The following JAM2 variants were observed in gnomAD, a reference collection of about 807,000 sequenced individuals.
JAM2 encodes junctional adhesion molecule 2.
A neutral mutation model predicts 42.0 loss-of-function variants in JAM2; 17 were observed. The ratio of observed to expected loss-of-function variants is 0.40; its 90% confidence interval spans 0.28 to 0.61. The LOEUF (loss-of-function observed/expected upper bound fraction) is 0.61, where lower values mean the gene tolerates loss of function less well. JAM2 is among the 20% of genes least tolerant of loss of function. The pLI, the probability that JAM2 is intolerant of heterozygous loss-of-function variation, is 0.37. For missense variants in JAM2, 319 were observed against 358.3 expected (o/e 0.89, Z 0.89); for synonymous variants, 118 against 128.6 (o/e 0.92, Z 0.56).
Position 25,658,836 on chromosome 21 carries a change from T to C in JAM2, c.67+18948T>C, listed in dbSNP as rs144583291. 4.6e-3 allele frequency among the ~76,000 whole-genome samples: 704 copies of C among 152,346 alleles called. 5 individuals are homozygous for C. The highest frequency in any genetic ancestry group is 0.016 in the African/African-American group (679 of 41,588). ...CACAGGACTATTTTTATTCACAGTG[T>C]CATAAATGAGAAACACGGGAGCTTA... On this transcript the variant is annotated intron_variant, in intron 1 of 9. Transcript: ENST00000480456.
At chr21:25,674,129 C>T (rs927218017) in intron 1 of JAM2, among the ~76,000 whole-genome samples, 1 of 152,210 alleles carries the variant, frequency 6.6e-6, no homozygotes, top group African/African-American at 2.4e-5. Flanking sequence ...TGCAGTGGCT[C>T]ACGCCTATAA....
intron 1 of JAM2, among the ~76,000 whole-genome samples, chr21:25,682,566 G>T (rs952069210): frequency 4.6e-5 from 7 of 152,190 alleles, no homozygotes; most frequent in African/African-American, 1.7e-4. Flanking sequence ...AGCCCATGTG[G>T]GTGTGTGTTA....
intron 4 of JAM2, among the ~76,000 whole-genome samples, chr21:25,698,288 A>T (rs1254597143): frequency 6.6e-6 from 1 of 152,238 alleles, no homozygotes; most frequent in African/African-American, 2.4e-5. Flanking sequence ...TCTTCAATAT[A>T]TGACGTTCCA....
intron 1 of JAM2, among the ~76,000 whole-genome samples, chr21:25,648,924 A>G (rs780776913): frequency 6.6e-6 from 1 of 152,226 alleles, no homozygotes; most frequent in Non-Finnish European, 1.5e-5. Context: ...TTTTAGCAAT[A>G]AAAACCTCAA....
rs144539833 is a variant in JAM2, at chr21:25,662,694, C to A, written c.68-21189C>A. On this transcript the variant is annotated intron_variant, in intron 1 of 9. Coordinates refer to ENST00000480456, the MANE Select transcript of JAM2 (RefSeq NM_021219.4). ...GTATTGCAATACATTAAACAATAGACAGTTAATACTATATTTAAGTATATT... is the reference window on the plus strand; with the variant it reads ...GTATTGCAATACATTAAACAATAGAAAGTTAATACTATATTTAAGTATATT... 9.8e-4 allele frequency among the ~76,000 whole-genome samples: 149 copies of A among 152,184 alleles called. 1 individual carries two copies. The highest frequency in any genetic ancestry group is 3.2e-3 in the African/African-American group (135 of 41,540).
intron 7 of JAM2, among the ~76,000 whole-genome samples, chr21:25,707,255 G>C (rs1355681895): frequency 6.6e-6 from 1 of 152,116 alleles, no homozygotes; most frequent in African/African-American, 2.4e-5. Flanking sequence ...TCTGAGGCGG[G>C]AGGATTACTT....
intron 1 of JAM2, among the ~76,000 whole-genome samples, chr21:25,661,717 G>T (rs771308239): frequency 2.0e-5 from 3 of 151,924 alleles, no homozygotes; most frequent in Non-Finnish European, 4.4e-5. Context: ...ATTATAAAAT[G>T]AGGGTCTGAT....
Position 25,709,630 on chromosome 21 carries a change from A to G in JAM2, c.821+181A>G, listed in dbSNP as rs7276129. ...GGCTGTTCTTGCATTGCTGTAAGAA[A>G]ATACCCGAGACTGGGTAGTTTATTG... On this transcript the variant is annotated intron_variant, in intron 8 of 9. Coordinates refer to ENST00000480456, the MANE Select transcript of JAM2 (RefSeq NM_021219.4). 0.011 allele frequency: 4,878 copies of G among 434,784 alleles called. 180 individuals carry two copies. The highest frequency in any genetic ancestry group is 0.082 in the African/African-American group (4,232 of 51,560). The allele number at this position is 434,784 out of a possible 1,614,324, so 26.9% of individuals were successfully genotyped here. A position where few individuals can be genotyped will look rare whatever the true frequency, so the allele number is the denominator to read the frequency against.
At chr21:25,700,721 G>A (rs1235448549) in intron 5 of JAM2, among the ~76,000 whole-genome samples, 1 of 152,178 alleles carries the variant, frequency 6.6e-6, no homozygotes, top group Non-Finnish European at 1.5e-5. Flanking sequence ...CAAGTGCACA[G>A]TAACATTTAC....
At chr21:25,688,509 G>T (rs2033805714) in intron 2 of JAM2, among the ~76,000 whole-genome samples, 1 of 152,192 alleles carries the variant, frequency 6.6e-6, no homozygotes, top group South Asian at 2.1e-4. Context: ...CAACAGAAAA[G>T]AACTGTGTTT....
chr21:25,673,420 G>A (rs981220634), intron 1 of JAM2, among the ~76,000 whole-genome samples: 1 of 152,086 alleles, frequency 6.6e-6, no homozygotes, highest in Non-Finnish European at 1.5e-5. Flanking sequence ...TTAAGTTGTC[G>A]AAGAACCAGA....
intron 1 of JAM2, among the ~76,000 whole-genome samples, chr21:25,663,359 A>G (rs1207734274): frequency 6.6e-6 from 1 of 152,204 alleles, no homozygotes; most frequent in Non-Finnish European, 1.5e-5. Flanking sequence ...ATGAACTGCA[A>G]ACTTGTCCAC....
At chr21:25,646,958 C>T (rs183250546) in intron 1 of JAM2, among the ~76,000 whole-genome samples, 2 of 152,222 alleles carry the variant, frequency 1.3e-5, no homozygotes, top group Admixed American at 1.3e-4. Flanking sequence ...AAATTTTCTA[C>T]TGGGATAATT....
Position 25,654,442 on chromosome 21 carries a change from A to G in JAM2, c.67+14554A>G, listed in dbSNP as rs533585451. 9.9e-5 allele frequency among the ~76,000 whole-genome samples: 15 copies of G among 152,194 alleles called. No individual in the cohort carries two copies. The East Asian group carries it at 2.9e-3, about 29-fold the overall frequency. On this transcript the variant is annotated intron_variant, in intron 1 of 9. Transcript: ENST00000480456. ...GATGGGTGGATTACTTGAGGTCAGG[A>G]GTTGAGACCAGCCTGGCCAACATGG...
chr21:25,698,906 A>G, intron 5 of JAM2, 27 bp downstream of exon 5: 4 of 1,578,204 alleles, frequency 2.5e-6, no homozygotes, highest in Non-Finnish European at 3.5e-6. Context: ...ATTTGACTTG[A>G]TAACTGTCTT....
At chr21:25,655,228 A>G (rs1291180911) in intron 1 of JAM2, among the ~76,000 whole-genome samples, 3 of 151,536 alleles carry the variant, frequency 2.0e-5, no homozygotes, top group Non-Finnish European at 4.4e-5. Flanking sequence ...GATGATGACT[A>G]TATGGTGTTT....
chr21:25,655,578 T>C (rs1347409485), intron 1 of JAM2, among the ~76,000 whole-genome samples: 1 of 148,052 alleles, frequency 6.8e-6, no homozygotes, highest in Non-Finnish European at 1.5e-5. Context: ...CTTCCCGGGC[T>C]CAAGCGATTC....
At chr21:25,695,751 C>G (rs1331842536) in intron 4 of JAM2, among the ~76,000 whole-genome samples, 1 of 149,226 alleles carries the variant, frequency 6.7e-6, no homozygotes, top group Admixed American at 6.7e-5. Flanking sequence ...ACTTCTCAGA[C>G]GGGGTGGCCG....
At chr21:25,666,315 T>TTTTTTATTATTATTATTATTATTATTA (rs1555862732) in intron 1 of JAM2, among the ~76,000 whole-genome samples, 1 of 146,562 alleles carries the variant, frequency 6.8e-6, no homozygotes, top group Admixed American at 6.8e-5. Context: ...TGTTACGGCT[T>TTTTTTATTATTATTATTATTATTATTA]TTATTATTAT....
Sources: gnomAD v4.1 joint callset for allele counts (sites outside exome capture counted in the v4.1 genomes callset) on GRCh38, gnomAD v4.1.1 for gene constraint, MANE v1.5 for transcripts, NCBI Gene and HGNC (gene_info 2026-07-23, HGNC 2026-07-21) for gene names.